Variants in TPPP observed in about 807,000 individuals in gnomAD.
The protein encoded by TPPP is tubulin polymerization-promoting protein.
In TPPP, 6 loss-of-function variants were observed where a neutral mutation model predicts 15.5. The observed-to-expected ratio is 0.39, with a 90% confidence interval of 0.21 to 0.77. The LOEUF (loss-of-function observed/expected upper bound fraction) is 0.77. Among genes scored for constraint, TPPP ranks in the 30% least tolerant of loss-of-function variants. TPPP has a pLI of 0.42. For synonymous variants in TPPP, 146 were observed against 133.9 expected, an observed-to-expected ratio of 1.09 and a Z score of -0.63; for missense variants, 269 against 307.2, an observed-to-expected ratio of 0.88 and a Z score of 0.93.
rs554868877 is a variant in TPPP at position 663,479 on chromosome 5, G to C, written c.*1623C>G. The C allele has an allele frequency of 6.6e-6, 1 of 152,584 alleles. No individual in the cohort carries two copies. The highest frequency in any genetic ancestry group is 2.4e-5 in the African/African-American group (1 of 41,606). 9.5% of individuals were successfully genotyped at this position (152,584 alleles called of 1,614,324 possible). On this transcript the variant is annotated 3_prime_UTR_variant, in exon 4 of 4. Transcript: ENST00000360578. Reference sequence around the variant, plus strand: ...CAGGTCCTCCCCATCCTCAGGTGGAGGCTTCTCTGTTGAGGGGCCTCGGAG... The same window carrying C: ...CAGGTCCTCCCCATCCTCAGGTGGACGCTTCTCTGTTGAGGGGCCTCGGAG...
At chr5:684,285 G>A (rs886784897) in intron 1 of TPPP, among the ~76,000 whole-genome samples, 1 of 152,230 alleles carries the variant, frequency 6.6e-6, no homozygotes, top group African/African-American at 2.4e-5. Context: ...CAGTAAATCC[G>A]AAGCACAGGC....
rs1739838507 is a variant in TPPP at position 665,098 on chromosome 5, G to C, written c.*4C>G. ...CGGCAGTGCCGCGAGGCATGGAGCG[G>C]GGGCTACTTGCCCCCTTGCACCTTC... On this transcript the variant is annotated 3_prime_UTR_variant, in exon 4 of 4. Coordinates refer to ENST00000360578, the MANE Select transcript of TPPP (RefSeq NM_007030.3). 6.2e-7 allele frequency: 1 copy of C among 1,608,378 alleles called. No individual in the cohort carries two copies. The highest frequency in any genetic ancestry group is 8.5e-7 in the Non-Finnish European group (1 of 1,179,536).
chr5:682,740 T>C (rs1454841002), intron 1 of TPPP, among the ~76,000 whole-genome samples: 3 of 152,186 alleles, frequency 2.0e-5, no homozygotes, highest in Admixed American at 6.5e-5. Flanking sequence ...CCTTGTTCAC[T>C]GCCCACGCCC....
chr5:698,457 T>A, the TPPP span, among the ~76,000 whole-genome samples: 1 of 152,034 alleles, frequency 6.6e-6, no homozygotes, highest in South Asian at 2.1e-4. Flanking sequence ...TGCCTGAGAC[T>A]GGGTAATTTA....
At chr5:686,761 T>C (rs1350276091) in intron 1 of TPPP, among the ~76,000 whole-genome samples, 1 of 146,352 alleles carries the variant, frequency 6.8e-6, no homozygotes, top group African/African-American at 2.5e-5. Context: ...ACAGGCTGAA[T>C]TCGTCCCCTC....
In TPPP at chr5:686,716, G is replaced by A. The variant is rs1355628552; in HGVS notation, c.-5+6562C>T. ...TGAGTGTCTCTACCTAGAAGAGGCAGAAGAGAAGACACAGAGAGAAGAGAA... is the reference window on the plus strand; with the variant it reads ...TGAGTGTCTCTACCTAGAAGAGGCAAAAGAGAAGACACAGAGAGAAGAGAA... On this transcript the variant is annotated intron_variant, in intron 1 of 3. Transcript: ENST00000360578. 4.1e-5 allele frequency among the ~76,000 whole-genome samples: 6 copies of A among 148,134 alleles called. No homozygotes were observed. In the South Asian group the frequency reaches 1.4e-3, roughly 34 times the overall value.
chr5:675,284 A>G, intron 2 of TPPP, among the ~76,000 whole-genome samples: 1 of 74,892 alleles, frequency 1.3e-5, no homozygotes, highest in Non-Finnish European at 2.5e-5. Flanking sequence ...CAGGGGGTTC[A>G]GTGTGGCCAG....
rs368904611 is a variant in TPPP at position 665,335 on chromosome 5, G to A, written c.466-39C>T. 1.7e-4 allele frequency: 269 copies of A among 1,571,996 alleles called. 4 individuals are homozygous for A. The African/African-American group carries it at 1.8e-3, about 11-fold the overall frequency. On this transcript the variant is annotated intron_variant, in intron 3 of 3. Transcript: ENST00000360578. ...AGGAGGAAGGGGGCAGGTGAGTTGCGAGCCAGGTGAGGCCAGCAAGTGAAA... is the reference window on the plus strand; with the variant it reads ...AGGAGGAAGGGGGCAGGTGAGTTGCAAGCCAGGTGAGGCCAGCAAGTGAAA...
intron 2 of TPPP, among the ~76,000 whole-genome samples, chr5:666,615 C>T (rs1322490718): frequency 6.6e-6 from 1 of 151,406 alleles, no homozygotes; most frequent in East Asian, 1.9e-4. Context: ...CTCAGATGCC[C>T]TGGCTCCAAA....
chr5:666,643 G>A (rs539977746), intron 2 of TPPP, among the ~76,000 whole-genome samples: 38 of 152,362 alleles, frequency 2.5e-4, no homozygotes, highest in Admixed American at 7.8e-4. Flanking sequence ...AGGCGGCCCC[G>A]CTGTGCCCTT....
Position 692,691 on chromosome 5 carries a change from G to A in TPPP, c.-5+587C>T, listed in dbSNP as rs1339198864. On this transcript the variant is annotated intron_variant, in intron 1 of 3. Transcript: ENST00000360578. The stretch of plus-strand genomic sequence containing the variant: ...CATCGCCACAGGCCCGCGGACAGTA[G>A]CCAAGACCCGGGGCAGCTGGAGGCT... 4.2e-5 allele frequency: 41 copies of A among 982,324 alleles called. No individual in the cohort carries two copies. The African/African-American group carries it at 6.6e-4, about 16-fold the overall frequency. The allele number at this position is 982,324 out of a possible 1,614,324, so 60.9% of individuals were successfully genotyped here. A position where few individuals can be genotyped will look rare whatever the true frequency, so the allele number is the denominator to read the frequency against.
intron 2 of TPPP, among the ~76,000 whole-genome samples, chr5:670,698 G>A (rs1740190203): frequency 6.6e-6 from 1 of 152,160 alleles, no homozygotes; most frequent in Admixed American, 6.5e-5. Context: ...GTTCCAGCAG[G>A]ACCCAGCCTT....
At chr5:694,354 C>T (rs1740980223), upstream of TPPP, among the ~76,000 whole-genome samples, 1 of 133,086 alleles carries the variant, frequency 7.5e-6, no homozygotes, top group African/African-American at 2.5e-5. Flanking sequence ...GAAGGGGTGC[C>T]TCTGGTGACT....
intron 2 of TPPP, among the ~76,000 whole-genome samples, chr5:673,065 A>G (rs540566611): frequency 6.6e-6 from 1 of 152,138 alleles, no homozygotes; most frequent in Non-Finnish European, 1.5e-5. Flanking sequence ...TGCAGTACCG[A>G]AGGCCACTTC....
In TPPP at chr5:686,208, T is replaced by A. The variant is rs183292053; in HGVS notation, c.-5+7070A>T. Reference sequence around the variant, plus strand: ...GAATAAAATAGAGATCCCGGCTGGCTCATCCCATCAACCATGTCGGAGACT... The same window carrying A: ...GAATAAAATAGAGATCCCGGCTGGCACATCCCATCAACCATGTCGGAGACT... On this transcript the variant is annotated intron_variant, in intron 1 of 3. Coordinates refer to ENST00000360578, the MANE Select transcript of TPPP (RefSeq NM_007030.3). Among the ~76,000 whole-genome samples the A allele has an allele frequency of 3.7e-4, 56 of 152,330 alleles. 1 individual carries two copies. Among genetic ancestry groups the A allele is most frequent in the Admixed American group, 3.5e-3 (54 of 15,302 alleles).
At chr5:693,893 G>C (rs1740967619), upstream of TPPP, among the ~76,000 whole-genome samples, 1 of 149,544 alleles carries the variant, frequency 6.7e-6, no homozygotes, top group East Asian at 2.0e-4. Flanking sequence ...CGGACCCCAA[G>C]GCGGGGCGCA....
At chr5:683,121 C>T (rs1167497400) in intron 1 of TPPP, among the ~76,000 whole-genome samples, 1 of 152,040 alleles carries the variant, frequency 6.6e-6, no homozygotes, top group Non-Finnish European at 1.5e-5. Context: ...GCTTCTCCAG[C>T]TGCACCCGCT....
upstream of TPPP, among the ~76,000 whole-genome samples, chr5:696,788 G>A (rs560593872): frequency 0.11 from 10,019 of 90,758 alleles, 653 homozygotes; most frequent in African/African-American, 0.36. Flanking sequence ...ATGTGTGAAT[G>A]TGCACCTGTA....
At position 669,591 on chromosome 5, in the gene TPPP, A is replaced by G. The variant is rs113938260; in HGVS notation, c.312-3468T>C. Among the ~76,000 whole-genome samples, 219 of 152,258 alleles carry G rather than the reference A, an allele frequency of 1.4e-3. 4 individuals are homozygous for G. The highest frequency in any genetic ancestry group is 4.7e-3 in the African/African-American group (195 of 41,542). ...AGGCCTGACTGCCAGCCTGGTGACCAGTGCTGAGGCACGCAGCCCTTTCTG... is the reference window on the plus strand; with the variant it reads ...AGGCCTGACTGCCAGCCTGGTGACCGGTGCTGAGGCACGCAGCCCTTTCTG... On this transcript the variant is annotated intron_variant, in intron 2 of 3. Coordinates refer to ENST00000360578, the MANE Select transcript of TPPP (RefSeq NM_007030.3).
Sources: gnomAD v4.1 joint callset for allele counts (sites outside exome capture counted in the v4.1 genomes callset) on GRCh38, gnomAD v4.1.1 for gene constraint, MANE v1.5 for transcripts, NCBI Gene and HGNC (gene_info 2026-07-23, HGNC 2026-07-21) for gene names.